Variants in RYR3 observed in about 807,000 individuals in gnomAD.
The protein encoded by RYR3 is brain ryanodine receptor-calcium release channel.
Under a neutral mutation model 584.3 loss-of-function variants are expected in RYR3, and 207 were observed. That is an observed-to-expected ratio of 0.35 (90% confidence interval 0.32 to 0.40). The LOEUF is 0.40. Among genes scored for constraint, RYR3 ranks in the 10% least tolerant of loss-of-function variants. The pLI is 1.00. For synonymous variants in RYR3, 2,416 were observed against 2,248.5 expected, an observed-to-expected ratio of 1.07 and a Z score of -2.11; for missense variants, 5,616 against 6,089.2, an observed-to-expected ratio of 0.92 and a Z score of 2.59.
intron 64 of RYR3, among the ~76,000 whole-genome samples, chr15:33,776,259 G>A (rs1596535949): frequency 6.6e-6 from 1 of 152,220 alleles, no homozygotes; most frequent in East Asian, 1.9e-4. Context: ...CTTTTGGAAT[G>A]TTTTCTAATT....
At chr15:33,480,875 A>G (rs993726257) in intron 2 of RYR3, among the ~76,000 whole-genome samples, 1 of 152,170 alleles carries the variant, frequency 6.6e-6, no homozygotes, top group African/African-American at 2.4e-5. Context: ...GGGTGTTCAA[A>G]TCTTCTATGT....
At chr15:33,760,319 A>G (rs920333753) in intron 60 of RYR3, among the ~76,000 whole-genome samples, 4 of 152,246 alleles carry the variant, frequency 2.6e-5, no homozygotes, top group African/African-American at 7.2e-5. Flanking sequence ...AAATGCCCCA[A>G]TTAAAAGACA....
rs2052626850 is a variant in RYR3, at chr15:33,508,039, A to G, written c.279+4301A>G. On this transcript the variant is annotated intron_variant, in intron 3 of 103. Coordinates refer to ENST00000634891, the MANE Select transcript of RYR3 (RefSeq NM_001036.6). The stretch of plus-strand genomic sequence containing the variant: ...TAGGTGCATGTTAAACTTAACTCCA[A>G]ATGGGTTCTGACATGAACTGGCATA... 3.3e-5 allele frequency among the ~76,000 whole-genome samples: 5 copies of G among 152,282 alleles called. No individual in the cohort carries two copies. In the South Asian group the frequency reaches 1.0e-3, roughly 32 times the overall value.
At chr15:33,740,184 T>C (rs1417360707) in intron 51 of RYR3, among the ~76,000 whole-genome samples, 189 bp downstream of exon 51, 1 of 152,214 alleles carries the variant, frequency 6.6e-6, no homozygotes, top group Non-Finnish European at 1.5e-5. Flanking sequence ...TATTATATTC[T>C]GGGTTTTTGG....
intron 2 of RYR3, among the ~76,000 whole-genome samples, chr15:33,481,822 A>G (rs1176070128): frequency 1.3e-5 from 2 of 150,610 alleles, no homozygotes; most frequent in Non-Finnish European, 3.0e-5. Flanking sequence ...TAATTAAAAT[A>G]TAAATCGTTA....
At chr15:33,645,410 G>C (rs1372768756) in intron 28 of RYR3, among the ~76,000 whole-genome samples, 1 of 152,174 alleles carries the variant, frequency 6.6e-6, no homozygotes, top group African/African-American at 2.4e-5. Flanking sequence ...CAACCTCACT[G>C]TAAGTTCCTT....
At chr15:33,669,857 G>GGGGGGGGTGGT (rs1555401713) in intron 37 of RYR3, among the ~76,000 whole-genome samples, 1 of 60,220 alleles carries the variant, frequency 1.7e-5, no homozygotes, top group African/African-American at 7.0e-5. Context: ...GGGGGGGGGG[G>GGGGGGGGTGGT]GTGTGGGTGT....
chr15:33,669,096 G>T (rs562424274), intron 36 of RYR3, among the ~76,000 whole-genome samples: 11 of 152,176 alleles, frequency 7.2e-5, no homozygotes, highest in African/African-American at 2.6e-4. Flanking sequence ...AATATTAACA[G>T]TAGTTATCTC....
chr15:33,617,166 G>A (rs1419097041), intron 19 of RYR3, among the ~76,000 whole-genome samples: 1 of 152,194 alleles, frequency 6.6e-6, no homozygotes, highest in Non-Finnish European at 1.5e-5. Context: ...CGTAATCTCA[G>A]CACTTTGGGA....
intron 19 of RYR3, 122 bp from the exon 20 acceptor site, chr15:33,623,685 C>T (rs556810698): frequency 8.8e-6 from 6 of 679,370 alleles, no homozygotes; most frequent in South Asian, 1.9e-5. Context: ...AACCTGAAGT[C>T]GTTTACTTCT....
intron 2 of RYR3, among the ~76,000 whole-genome samples, chr15:33,484,102 C>T (rs2050203486): frequency 6.6e-6 from 1 of 151,698 alleles, no homozygotes; most frequent in South Asian, 2.1e-4. Flanking sequence ...ATAGGTAGTT[C>T]CACCATTACC....
chr15:33,502,045 GAGTAGAAAAGTATTTA>G (rs1362992832), intron 2 of RYR3, among the ~76,000 whole-genome samples: 1 of 152,160 alleles, frequency 6.6e-6, no homozygotes, highest in Non-Finnish European at 1.5e-5. Context: ...TAGAGACCTT[GAGTAGAAAAGTATTTA>G]AGTAGAAAAG....
At chr15:33,502,441 C>T (rs542921195) in intron 2 of RYR3, among the ~76,000 whole-genome samples, 1 of 152,216 alleles carries the variant, frequency 6.6e-6, no homozygotes, top group Non-Finnish European at 1.5e-5. Flanking sequence ...AGTTTCTGGC[C>T]CTCATTCCTC....
intron 1 of RYR3, among the ~76,000 whole-genome samples, chr15:33,386,804 G>A (rs1460038551): frequency 6.6e-6 from 1 of 152,030 alleles, no homozygotes; most frequent in African/African-American, 2.4e-5. Context: ...TTCACTTAGT[G>A]CAATGTCTTA....
intron 38 of RYR3, among the ~76,000 whole-genome samples, chr15:33,674,739 T>C (rs4780149): frequency 0.91 from 137,796 of 150,864 alleles, 63,142 homozygotes; most frequent in Non-Finnish European, 0.95. Context: ...GGAAATTGTC[T>C]GTGAAGAATG....
At chr15:33,593,588 G>A (rs2059237836) in intron 16 of RYR3, among the ~76,000 whole-genome samples, 1 of 152,170 alleles carries the variant, frequency 6.6e-6, no homozygotes, top group Non-Finnish European at 1.5e-5. Context: ...GTTTATTTAA[G>A]TTGTCTGGCT....
chr15:33,475,811 T>C (rs1413194137), intron 2 of RYR3, among the ~76,000 whole-genome samples: 2 of 152,272 alleles, frequency 1.3e-5, no homozygotes, highest in African/African-American at 2.4e-5. Context: ...AATGGGTTCG[T>C]AAATCGCCTA....
chr15:33,478,111 G>C (rs537381769), intron 2 of RYR3, among the ~76,000 whole-genome samples: 1 of 151,808 alleles, frequency 6.6e-6, no homozygotes, highest in Non-Finnish European at 1.5e-5. Flanking sequence ...AGGGGGTTGG[G>C]GGGGGTGGTT....
intron 88 of RYR3, among the ~76,000 whole-genome samples, chr15:33,837,353 C>T (rs998667921): frequency 6.6e-6 from 1 of 152,102 alleles, no homozygotes; most frequent in Non-Finnish European, 1.5e-5. Context: ...ACCATGTATC[C>T]CTATGTGTCC....
Sources: gnomAD v4.1 joint callset for allele counts (sites outside exome capture counted in the v4.1 genomes callset) on GRCh38, gnomAD v4.1.1 for gene constraint, MANE v1.5 for transcripts, NCBI Gene and HGNC (gene_info 2026-07-23, HGNC 2026-07-21) for gene names.